Variants in E2F3 observed in about 807,000 individuals in gnomAD.
E2F3 encodes the protein E2F transcription factor 3.
E2F3 carries 11 observed loss-of-function variants against 44.4 expected under a neutral mutation model. The ratio of observed to expected loss-of-function variants is 0.25; its 90% CI spans 0.16 to 0.41. The LOEUF (loss-of-function observed/expected upper bound fraction) is 0.41, where lower values mean the gene tolerates loss of function less well. Among genes scored for constraint, E2F3 ranks in the 10% least tolerant of loss-of-function variants. The pLI is 1.00. For missense variants in E2F3, 487 were observed against 583.6 expected, an observed-to-expected ratio of 0.83 and a Z score of 1.70; for synonymous variants, 249 against 253.0, an observed-to-expected ratio of 0.98 and a Z score of 0.15.
intron 1 of E2F3, chr6:20,421,997 CTT>C (rs1760045809): frequency 6.6e-6 from 1 of 152,250 alleles, no homozygotes; most frequent in African/African-American, 2.4e-5. Context: ...GTCAGCCTGT[CTT>C]TTGATGCTTT....
At chr6:20,415,029 T>A (rs1199536903) in intron 1 of E2F3, among the ~76,000 whole-genome samples, 1 of 152,190 alleles carries the variant, frequency 6.6e-6, no homozygotes. Context: ...CCCCCGCCAC[T>A]CCCCGTGGTA....
intron 1 of E2F3, among the ~76,000 whole-genome samples, chr6:20,464,658 G>A (rs73384636): frequency 0.017 from 2,558 of 152,300 alleles, 78 homozygotes; most frequent in African/African-American, 0.058. Context: ...AATTAATATT[G>A]CTCAAAGGGT....
At chr6:20,439,262 A>G (rs1760693643) in intron 1 of E2F3, among the ~76,000 whole-genome samples, 1 of 152,244 alleles carries the variant, frequency 6.6e-6, no homozygotes, top group African/African-American at 2.4e-5. Flanking sequence ...AGCAGGAAAG[A>G]ACAACTTTGT....
intron 1 of E2F3, among the ~76,000 whole-genome samples, chr6:20,440,624 A>T (rs1487712127): frequency 6.6e-6 from 1 of 152,222 alleles, no homozygotes; most frequent in African/African-American, 2.4e-5. Context: ...CCACTAGAGA[A>T]ACTGAAGTTT....
At chr6:20,426,429 T>A (rs1174263748) in intron 1 of E2F3, among the ~76,000 whole-genome samples, 1 of 152,254 alleles carries the variant, frequency 6.6e-6, no homozygotes, top group East Asian at 1.9e-4. Context: ...CACTCTTAAT[T>A]TTGTGAAAGC....
chr6:20,457,348 C>CT (rs60238519), intron 1 of E2F3, among the ~76,000 whole-genome samples: 53,917 of 109,366 alleles, frequency 0.49, 14,195 homozygotes, highest in African/African-American at 0.54. Context: ...CTTATTTTTT[C>CT]TTTTTTTTTT....
At chr6:20,461,020 A>T (rs1761487676) in intron 1 of E2F3, among the ~76,000 whole-genome samples, 2 of 150,096 alleles carry the variant, frequency 1.3e-5, no homozygotes, top group South Asian at 4.2e-4. Flanking sequence ...AAAAAAAAAA[A>T]AAAAGCCATG....
chr6:20,439,335 G>A (rs757109174), intron 1 of E2F3, among the ~76,000 whole-genome samples: 39 of 152,360 alleles, frequency 2.6e-4, no homozygotes, highest in Middle Eastern at 3.4e-3. Flanking sequence ...GTAAAGCAAC[G>A]CTTTAGCATG....
At chr6:20,407,691 G>A (rs16883765) in intron 1 of E2F3, among the ~76,000 whole-genome samples, 1,859 of 152,242 alleles carry the variant, frequency 0.012, 38 homozygotes, top group African/African-American at 0.041. Flanking sequence ...GGACCCATTT[G>A]GCAAATAGCT....
chr6:20,481,302 T>A lies in E2F3; in HGVS notation c.602T>A (p.Val201Glu). ...CTCCTGAGCCAGTCACCCGATGGGG[T>A]ATTGGATTTGAACAAGGCAGCAGAA... ...IQLLSQSPDGVLDLNKAAEVL... is the reference protein window; with the variant it reads ...IQLLSQSPDGELDLNKAAEVL... Residue 201 changes from valine (V) to glutamate (E), a missense_variant, in exon 3 of 7, where the codon GTA becomes GAA. By Grantham distance (121) the Val-to-Glu change is moderately radical. Coordinates refer to ENST00000346618, the MANE Select transcript of E2F3 (RefSeq NM_001949.5). 6.2e-7 allele frequency: 1 copy of A among 1,613,564 alleles called. No individual in the cohort carries two copies. Among genetic ancestry groups the A allele is most frequent in the Non-Finnish European group, 8.5e-7 (1 of 1,179,892 alleles).
intron 1 of E2F3, among the ~76,000 whole-genome samples, chr6:20,429,359 A>C (rs895492704): frequency 5.3e-5 from 8 of 152,230 alleles, no homozygotes; most frequent in Admixed American, 3.3e-4. Context: ...ATAAGTTTTA[A>C]ATTGCACTCG....
chr6:20,465,579 C>T (rs1761674222), intron 1 of E2F3, among the ~76,000 whole-genome samples: 1 of 152,162 alleles, frequency 6.6e-6, no homozygotes, highest in South Asian at 2.1e-4. Flanking sequence ...GCAGTGTACA[C>T]TGCACCCAAT....
chr6:20,443,070 GAAAC>G (rs1319653629), intron 1 of E2F3, among the ~76,000 whole-genome samples: 1 of 152,192 alleles, frequency 6.6e-6, no homozygotes, highest in Non-Finnish European at 1.5e-5. Flanking sequence ...GGCAGATGAG[GAAAC>G]AAACCTGTCT....
chr6:20,424,398 TGTGTG>T (rs1760140251), intron 1 of E2F3, among the ~76,000 whole-genome samples: 1 of 151,900 alleles, frequency 6.6e-6, no homozygotes, highest in African/African-American at 2.4e-5. Context: ...TGTGTGTGTG[TGTGTG>T]TGTGTGTACA....
At chr6:20,438,814 G>C (rs141494176) in intron 1 of E2F3, among the ~76,000 whole-genome samples, 1 of 152,148 alleles carries the variant, frequency 6.6e-6, no homozygotes, top group African/African-American at 2.4e-5. Flanking sequence ...GCTGTCTCCC[G>C]TGCTTTCTGC....
Position 20,423,429 on chromosome 6 carries a change from G to A in E2F3, c.393+20804G>A, listed in dbSNP as rs1405874584. On this transcript the variant is annotated intron_variant, in intron 1 of 6. Coordinates refer to ENST00000346618, the MANE Select transcript of E2F3 (RefSeq NM_001949.5). ...ACTGGAATATATACAGTCTGCTGTCGACTGAAAGCATCATTGTTTGGCAGA... is the reference window on the plus strand; with the variant it reads ...ACTGGAATATATACAGTCTGCTGTCAACTGAAAGCATCATTGTTTGGCAGA... Among the ~76,000 whole-genome samples, 9 of 152,276 alleles carry A rather than the reference G, an allele frequency of 5.9e-5. No individual in the cohort carries two copies. In the South Asian group the frequency reaches 1.7e-3, roughly 28 times the overall value.
chr6:20,424,493 A>G (rs1581584832), intron 1 of E2F3, among the ~76,000 whole-genome samples: 1 of 151,786 alleles, frequency 6.6e-6, no homozygotes, highest in East Asian at 1.9e-4. Flanking sequence ...CTCCATTGAT[A>G]CCTTTATCCC....
At chr6:20,419,399 C>T (rs1278429396) in intron 1 of E2F3, among the ~76,000 whole-genome samples, 2 of 152,060 alleles carry the variant, frequency 1.3e-5, no homozygotes, top group Non-Finnish European at 2.9e-5. Flanking sequence ...TCCAAATTAC[C>T]CTCCAAAAAG....
chr6:20,441,359 A>G (rs1760767166), intron 1 of E2F3, among the ~76,000 whole-genome samples: 1 of 152,198 alleles, frequency 6.6e-6, no homozygotes, highest in Non-Finnish European at 1.5e-5. Flanking sequence ...TCTCTGAATA[A>G]TATTCCATGG....
Sources: allele counts gnomAD v4.1 joint callset (sites outside exome capture counted in the v4.1 genomes callset), GRCh38; gene constraint gnomAD v4.1.1; transcripts MANE v1.5; gene names NCBI Gene and HGNC (gene_info 2026-07-23, HGNC 2026-07-21).